SOS2: variants seen among roughly 807,000 people sequenced by gnomAD.
SOS2 encodes the protein SOS Ras/Rho guanine nucleotide exchange factor 2.
A neutral mutation model predicts 148.2 loss-of-function variants in SOS2; 65 were observed. That is an observed-to-expected ratio of 0.44 (90% CI 0.36 to 0.54). The LOEUF is 0.54. SOS2 is among the 20% of genes least tolerant of loss of function. The pLI, the probability that SOS2 is intolerant of heterozygous loss-of-function variation, is 0.00. For missense variants in SOS2, 1,341 were observed against 1,590.2 expected, an observed-to-expected ratio of 0.84 and a Z score of 2.67; for synonymous variants, 539 against 537.1, an observed-to-expected ratio of 1.00 and a Z score of -0.05.
intron 14 of SOS2, among the ~76,000 whole-genome samples, chr14:50,146,971 G>A (rs538242522): frequency 6.6e-6 from 1 of 152,016 alleles, no homozygotes; most frequent in Non-Finnish European, 1.5e-5. Context: ...GAAGTGGAAG[G>A]ATTGATTGAG....
chr14:50,221,583 T>G (rs1887202637), intron 1 of SOS2, among the ~76,000 whole-genome samples: 1 of 152,238 alleles, frequency 6.6e-6, no homozygotes, highest in Non-Finnish European at 1.5e-5. Flanking sequence ...TATTTTCATT[T>G]AAGTATCTTG....
chr14:50,157,516 G>T (rs573566118), intron 11 of SOS2, among the ~76,000 whole-genome samples: 3 of 151,904 alleles, frequency 2.0e-5, no homozygotes, highest in South Asian at 2.1e-4. Context: ...GGCCAAAACC[G>T]AATATTTAAC....
At chr14:50,158,695 T>A in intron 10 of SOS2, 49 bp from the exon 11 acceptor site, 1 of 1,202,018 alleles carries the variant, frequency 8.3e-7, no homozygotes, top group Non-Finnish European at 1.2e-6. Flanking sequence ...GTATTCAGTT[T>A]AATTAACTCA....
Position 50,130,621 on chromosome 14 carries a change from C to T in SOS2, c.3217G>A (p.Glu1073Lys). 4 of 1,614,146 alleles carry T rather than the reference C, an allele frequency of 2.5e-6. No individual in the cohort carries two copies. Among genetic ancestry groups the T allele is most frequent in the Non-Finnish European group, 3.4e-6 (4 of 1,180,018 alleles). The change falls in exon 20 of 23, where the codon GAA becomes AAA. Residue 1073 changes from glutamate to lysine, a missense_variant. Coordinates refer to ENST00000216373, the MANE Select transcript of SOS2 (RefSeq NM_006939.4). ...PCKISFSRIA[E>K]TELESTVSAP... is the part of the protein sequence containing the mutation. ...GACACTGTTGATTCCAGCTCAGTTT[C>T]AGCAATCCGACTAAAGCTTATTTTA...
At chr14:50,179,762 A>C (rs542073493) in intron 7 of SOS2, among the ~76,000 whole-genome samples, 9 of 152,230 alleles carry the variant, frequency 5.9e-5, no homozygotes, top group African/African-American at 1.9e-4. Flanking sequence ...GTAAAAATAA[A>C]ATTTTATTTG....
rs71426464 is a variant in SOS2 at position 50,178,721 on chromosome 14, T to C, written c.969+1851A>G. On this transcript the variant is annotated intron_variant, in intron 7 of 22. Transcript: ENST00000216373. Reference sequence around the variant, plus strand: ...ATATATATATATATATACACACATATACACACACATATATATATATATATT... The same window carrying C: ...ATATATATATATATATACACACATACACACACACATATATATATATATATT... Among the ~76,000 whole-genome samples the C allele has an allele frequency of 9.9e-3, 1,316 of 133,264 alleles. 60 individuals carry two copies. Among genetic ancestry groups the C allele is most frequent in the Middle Eastern group, 0.031 (8 of 262 alleles). The allele number at this position is 133,264 out of a possible 152,430, so 87.4% of individuals were successfully genotyped here.
intron 4 of SOS2, among the ~76,000 whole-genome samples, chr14:50,191,755 C>A (rs905323188): frequency 6.6e-6 from 1 of 152,128 alleles, no homozygotes; most frequent in African/African-American, 2.4e-5. Context: ...TCAGTGCCAG[C>A]TGTTTTCTGT....
chr14:50,180,978 A>T lies in SOS2; in HGVS notation c.859-296T>A, dbSNP rs142657933. Among the ~76,000 whole-genome samples, 465 of 152,312 alleles carry T rather than the reference A, an allele frequency of 3.1e-3. 4 individuals are homozygous for T. Among genetic ancestry groups the T allele is most frequent in the African/African-American group, 0.011 (439 of 41,570 alleles). On this transcript the variant is annotated intron_variant, in intron 6 of 22. Coordinates refer to ENST00000216373, the MANE Select transcript of SOS2 (RefSeq NM_006939.4). ...AAACAAATTTTGAAAAAAAGAATTAAAAAGAAAAAGAATAAGGTAATACCG... is the reference window on the plus strand; with the variant it reads ...AAACAAATTTTGAAAAAAAGAATTATAAAGAAAAAGAATAAGGTAATACCG...
At chr14:50,167,783 T>C (rs921234903) in intron 8 of SOS2, among the ~76,000 whole-genome samples, 3 of 147,238 alleles carry the variant, frequency 2.0e-5, no homozygotes, top group East Asian at 4.1e-4. Flanking sequence ...TGTGGGAGAA[T>C]TGCTTGAACC....
intron 21 of SOS2, among the ~76,000 whole-genome samples, chr14:50,128,508 T>TA (rs1201275614): frequency 6.6e-6 from 1 of 152,142 alleles, no homozygotes; most frequent in Non-Finnish European, 1.5e-5. Context: ...AAAGGAAGCA[T>TA]AGCAGTGAAT....
At chr14:50,213,684 A>G (rs1458842036) in intron 1 of SOS2, among the ~76,000 whole-genome samples, 1 of 152,056 alleles carries the variant, frequency 6.6e-6, no homozygotes, top group African/African-American at 2.4e-5. Flanking sequence ...CACCCCAAAA[A>G]AAAACCCCAA....
chr14:50,162,831 A>C (rs1885052983), intron 8 of SOS2, among the ~76,000 whole-genome samples: 1 of 152,074 alleles, frequency 6.6e-6, no homozygotes, highest in African/African-American at 2.4e-5. Context: ...TTTCACTCTC[A>C]GAAAGAAAGC....
chr14:50,129,292 T>C (rs529515637), intron 21 of SOS2, among the ~76,000 whole-genome samples: 180 of 152,324 alleles, frequency 1.2e-3, no homozygotes, highest in Non-Finnish European at 2.3e-3. Flanking sequence ...GAAAATGATT[T>C]GAAAAGGGTA....
chr14:50,140,614 T>C (rs981529158), intron 16 of SOS2, among the ~76,000 whole-genome samples: 7 of 152,190 alleles, frequency 4.6e-5, no homozygotes, highest in African/African-American at 1.7e-4. Flanking sequence ...TGGAGAACCA[T>C]TCAGTCAATT....
rs755699262 is a variant in SOS2, at chr14:50,120,237, C to CA, written c.3489+37dup. 7 of 925,936 alleles carry CA rather than the reference C, an allele frequency of 7.6e-6. No homozygotes were observed. The Admixed American group carries it at 1.4e-4, about 18-fold the overall frequency. The allele number at this position is 925,936 out of a possible 1,614,324, so 57.4% of individuals were successfully genotyped here. ...CACTAGGCATTATTTTGAAGATTCACAACTTTGAATAAGTTGGAGTAAAGT... is the reference window on the plus strand; with the variant it reads ...CACTAGGCATTATTTTGAAGATTCACAAACTTTGAATAAGTTGGAGTAAAGT... On this transcript the variant is annotated intron_variant, in intron 22 of 22. Coordinates refer to ENST00000216373, the MANE Select transcript of SOS2 (RefSeq NM_006939.4).
At chr14:50,139,873 C>A in intron 17 of SOS2, 69 bp downstream of exon 17, 6 of 694,456 alleles carry the variant, frequency 8.6e-6, no homozygotes, top group East Asian at 2.6e-5. Context: ...GATAACATGC[C>A]TCTGAAGACT....
intron 16 of SOS2, among the ~76,000 whole-genome samples, chr14:50,144,478 C>T (rs1195930458): frequency 6.6e-6 from 1 of 151,838 alleles, no homozygotes; most frequent in Non-Finnish European, 1.5e-5. Flanking sequence ...CACTGTGTCG[C>T]CCAGCCTGGA....
intron 1 of SOS2, among the ~76,000 whole-genome samples, chr14:50,215,903 T>C (rs1887028287): frequency 6.6e-6 from 1 of 152,210 alleles, no homozygotes; most frequent in Non-Finnish European, 1.5e-5. Context: ...ATCTTGCTAA[T>C]GCACTTGTTC....
intron 4 of SOS2, among the ~76,000 whole-genome samples, chr14:50,196,961 G>A (rs1886330197): frequency 2.0e-5 from 3 of 152,070 alleles, no homozygotes; most frequent in East Asian, 1.9e-4. Flanking sequence ...TCAACCTCCC[G>A]AGCTCCAGTG....
Sources: allele counts gnomAD v4.1 joint callset (sites outside exome capture counted in the v4.1 genomes callset), GRCh38; gene constraint gnomAD v4.1.1; transcripts MANE v1.5; gene names NCBI Gene and HGNC (gene_info 2026-07-23, HGNC 2026-07-21).